UPF3B: variants seen among roughly 807,000 people sequenced by gnomAD.
The protein encoded by UPF3B is regulator of nonsense transcripts 3B.
In UPF3B, 7 loss-of-function variants were observed where a neutral mutation model predicts 40.3. The ratio of observed to expected loss-of-function variants is 0.17; its 90% CI spans 0.10 to 0.33. The LOEUF is 0.33. Among genes scored for constraint, UPF3B ranks in the 10% least tolerant of loss-of-function variants. The pLI, the probability that UPF3B is intolerant of heterozygous loss-of-function variation, is 1.00. For missense variants in UPF3B, 229 were observed against 358.9 expected, an observed-to-expected ratio of 0.64 and a Z score of 2.93; for synonymous variants, 117 against 117.3, an observed-to-expected ratio of 1.00 and a Z score of 0.01.
At chrX:119,828,021 G>A (rs1161255722) in intron 3 of UPF3B, among the ~76,000 whole-genome samples, 4 of 106,900 alleles carry the variant, frequency 3.7e-5, no homozygotes, top group Non-Finnish European at 7.7e-5. Context: ...CAGGTGTGAC[G>A]CCGTGCCCGA....
At chrX:119,837,431 C>T (rs1003775046) in intron 10 of UPF3B, among the ~76,000 whole-genome samples, 2 of 105,386 alleles carry the variant, frequency 1.9e-5, no homozygotes, top group African/African-American at 3.5e-5. Flanking sequence ...CTGGCTAACA[C>T]GGTGAAACCC....
At chrX:119,844,685 C>A (rs1014552680) in intron 4 of UPF3B, among the ~76,000 whole-genome samples, 9 of 110,293 alleles carry the variant, frequency 8.2e-5, no homozygotes, top group African/African-American at 2.6e-4. Context: ...CTCACTGCAA[C>A]CTCCGCCTCC....
intron 5 of UPF3B, 41 bp from the exon 6 acceptor site, chrX:119,841,819 C>G: frequency 1.8e-6 from 2 of 1,119,785 alleles, no homozygotes; most frequent in Non-Finnish European, 2.5e-6. Flanking sequence ...ACTTATCAAC[C>G]CCTAGAAACG....
At chrX:119,807,687 T>G in intron 5 of UPF3B, 1 of 387,912 alleles carries the variant, frequency 2.6e-6, no homozygotes, top group Non-Finnish European at 3.3e-6. Context: ...AGCTCAGTAA[T>G]TTAAGACCAA....
At chrX:119,837,672 T>A in intron 10 of UPF3B, 85 bp downstream of exon 10, 2 of 948,872 alleles carry the variant, frequency 2.1e-6, no homozygotes, top group Non-Finnish European at 2.9e-6. Context: ...AAAAATTCTA[T>A]AATAACAGTG....
At chrX:119,822,536 CT>C (rs1237646091) in intron 4 of UPF3B, among the ~76,000 whole-genome samples, 1 of 112,545 alleles carries the variant, frequency 8.9e-6, no homozygotes, top group African/African-American at 3.2e-5. Context: ...ACTTCCAATT[CT>C]GAACCTCCGA....
chrX:119,837,341 C>T (rs1440101735), intron 10 of UPF3B, among the ~76,000 whole-genome samples: 3 of 109,047 alleles, frequency 2.8e-5, no homozygotes, highest in African/African-American at 1.0e-4. Context: ...GTTGGTCAGG[C>T]GTGGTGGCTC....
intron 4 of UPF3B, among the ~76,000 whole-genome samples, chrX:119,817,308 G>A (rs763397239): frequency 8.9e-6 from 1 of 112,085 alleles, no homozygotes; most frequent in Admixed American, 9.5e-5. Flanking sequence ...GGCTGGGGGA[G>A]CCTCAGGAAA....
At chrX:119,830,194 C>T (rs1252227309), downstream of UPF3B, among the ~76,000 whole-genome samples, 1 of 111,338 alleles carries the variant, frequency 9.0e-6, no homozygotes, top group African/African-American at 3.3e-5. Flanking sequence ...AGGATGTTGT[C>T]TAAACATTTT....
downstream of UPF3B, among the ~76,000 whole-genome samples, chrX:119,830,352 C>A (rs755826060): frequency 9.0e-6 from 1 of 110,591 alleles, no homozygotes; most frequent in South Asian, 3.8e-4. Flanking sequence ...GCTGTCCTCT[C>A]CATAGTGAGT....
chrX:119,809,260 T>C (rs1464903343), intron 5 of UPF3B, among the ~76,000 whole-genome samples: 1 of 111,624 alleles, frequency 9.0e-6, no homozygotes, highest in African/African-American at 3.3e-5. Context: ...ACCAGCCTCC[T>C]AATCCAATCA....
rs766422375 is a variant in UPF3B at position 119,837,984 on chromosome X, T to C, written c.1075A>G (p.Ile359Val). The C allele has an allele frequency of 1.2e-5, 14 of 1,211,336 alleles. No individual in the cohort carries two copies. Among genetic ancestry groups the C allele is most frequent in the Non-Finnish European group, 1.6e-5 (14 of 895,506 alleles). ...EREYERDQER[I>V]LRERERLKRQ... ...TTCAGCCTCTCTCTTTCTCGAAGTA[T>C]GCGCTCCTGATCTCGTTCATATTCC... Residue 359 changes from isoleucine to valine, a missense_variant, in exon 10 of 11, where the codon ATA (isoleucine) becomes GTA (valine). Physicochemically the swap from Ile to Val is conservative, Grantham distance 29. Around this residue, in one of 3 missense-constraint regions of UPF3B, gnomAD observed 119 missense variants for 153.8 expected, o/e 0.77. Coordinates refer to ENST00000276201, the MANE Select transcript of UPF3B (RefSeq NM_080632.3).
intron 3 of UPF3B, among the ~76,000 whole-genome samples, chrX:119,848,962 A>G (rs1489698580): frequency 8.9e-6 from 1 of 111,986 alleles, no homozygotes; most frequent in Non-Finnish European, 1.9e-5. Flanking sequence ...GATGAATTTT[A>G]TTATAGGTGA....
chrX:119,842,649 A>G (rs1307938446), intron 5 of UPF3B, among the ~76,000 whole-genome samples: 2 of 105,484 alleles, frequency 1.9e-5, no homozygotes, highest in African/African-American at 7.2e-5. Context: ...GCGAGCGAGC[A>G]AGCAAGCAAA....
At chrX:119,845,106 T>C in intron 4 of UPF3B, 92 bp downstream of exon 4, 1 of 709,332 alleles carries the variant, frequency 1.4e-6, no homozygotes, top group Middle Eastern at 4.7e-4. Flanking sequence ...TATTTTCTAA[T>C]TTAAAATTTT....
chrX:119,813,640 C>T (rs2055841850), intron 5 of UPF3B, among the ~76,000 whole-genome samples: 1 of 106,856 alleles, frequency 9.4e-6, no homozygotes. Context: ...TGGCTCACTG[C>T]AACTTCTGCC....
intron 3 of UPF3B, among the ~76,000 whole-genome samples, chrX:119,828,670 T>TA (rs1225152101): frequency 0.029 from 2,698 of 93,290 alleles, 51 homozygotes; most frequent in African/African-American, 0.065. Flanking sequence ...AGTCTTTACT[T>TA]AAAAAAAAAA....
intron 3 of UPF3B, among the ~76,000 whole-genome samples, chrX:119,823,281 TCTCA>T (rs1414907906): frequency 9.0e-6 from 1 of 111,597 alleles, no homozygotes; most frequent in Non-Finnish European, 1.9e-5. Context: ...GGAGACAGGG[TCTCA>T]CTGTGTCAGC....
chrX:119,830,213 G>A (rs1178911707), downstream of UPF3B, among the ~76,000 whole-genome samples: 1 of 111,387 alleles, frequency 9.0e-6, no homozygotes, highest in Non-Finnish European at 1.9e-5. Context: ...TTGTTCTTAA[G>A]GGACCAGAAT....
Sources: gnomAD v4.1 joint callset for allele counts (sites outside exome capture counted in the v4.1 genomes callset) on GRCh38, gnomAD v4.1.1 for gene constraint, gnomAD v4.1.1 regional missense constraint, MANE v1.5 for transcripts, NCBI Gene and HGNC (gene_info 2026-07-23, HGNC 2026-07-21) for gene names.